The following CXADR variants were observed in gnomAD, a reference collection of about 807,000 sequenced individuals.
The protein encoded by CXADR is CXADR cell adhesion molecule, also known as coxsackievirus and adenovirus receptor.
A neutral mutation model predicts 40.3 loss-of-function variants in CXADR; 20 were observed. The observed-to-expected ratio is 0.50, with a 90% CI of 0.35 to 0.72. The LOEUF (loss-of-function observed/expected upper bound fraction) is 0.72, where lower values mean the gene tolerates loss of function less well. Among genes scored for constraint, CXADR ranks in the 30% least tolerant of loss-of-function variants. The pLI is 0.01. For synonymous variants in CXADR, 150 were observed against 161.3 expected, an observed-to-expected ratio of 0.93 and a Z score of 0.53; for missense variants, 332 against 449.1, an observed-to-expected ratio of 0.74 and a Z score of 2.36.
intron 3 of CXADR, among the ~76,000 whole-genome samples, chr21:17,554,210 T>A (rs1260456896): frequency 6.6e-6 from 1 of 152,146 alleles, no homozygotes; most frequent in East Asian, 1.9e-4. Flanking sequence ...TGGGACCAGG[T>A]TCAGGGTCAC....
chr21:17,577,957 A>G (rs1186430827), intron 7 of CXADR, among the ~76,000 whole-genome samples: 1 of 151,974 alleles, frequency 6.6e-6, no homozygotes, highest in Non-Finnish European at 1.5e-5. Flanking sequence ...TTCATGTTGG[A>G]TATAGCAGGA....
Position 17,559,100 on chromosome 21 carries a change from C to G in CXADR, c.540C>G (p.Asp180Glu). The change falls in exon 4 of 7, where the codon GAC becomes GAG. Residue 180 changes from aspartate (D) to glutamate (E), a missense_variant. Physicochemically the swap from Asp to Glu is conservative, Grantham distance 45. Transcript: ENST00000284878. ...PLQYEWQKLS[D>E]SQKMPTSWLA... is the part of the protein sequence containing the mutation. ...AGTATGAGTGGCAAAAATTGTCTGA[C>G]TCACAGAAAATGCCCACTTCATGGT... 1 of 1,614,030 alleles carries G rather than the reference C, an allele frequency of 6.2e-7. No homozygotes were observed. The highest frequency in any genetic ancestry group is 2.2e-5 in the East Asian group (1 of 44,882).
At chr21:17,627,531 G>A in the CXADR span, among the ~76,000 whole-genome samples, 4 of 152,142 alleles carry the variant, frequency 2.6e-5, no homozygotes, top group Non-Finnish European at 5.9e-5. Context: ...TCACCATCCT[G>A]TAATCCCAAC....
chr21:17,625,292 T>A, the CXADR span, among the ~76,000 whole-genome samples: 1 of 152,110 alleles, frequency 6.6e-6, no homozygotes, highest in Non-Finnish European at 1.5e-5. Flanking sequence ...GAGGTCATTA[T>A]AGCAACTTCT....
At chr21:17,534,215 C>T (rs112165587) in intron 1 of CXADR, among the ~76,000 whole-genome samples, 3,706 of 141,842 alleles carry the variant, frequency 0.026, 164 homozygotes, top group African/African-American at 0.094. Context: ...TCAAGCGATT[C>T]TTCTGCCTCT....
chr21:17,547,261 G>A lies in CXADR; in HGVS notation c.210+68G>A, dbSNP rs1361739948. On this transcript the variant is annotated intron_variant, in intron 2 of 6. Transcript: ENST00000284878. ...AACTATCTGATGTGTCCATCACCTT[G>A]CCAGTCACATGGATGGGCTGCAGGG... 1.0e-5 allele frequency: 16 copies of A among 1,594,262 alleles called. No homozygotes were observed. The Admixed American group carries it at 2.5e-4, about 25-fold the overall frequency.
chr21:17,564,768 T>C (rs990864467), intron 6 of CXADR, among the ~76,000 whole-genome samples: 1 of 152,186 alleles, frequency 6.6e-6, no homozygotes, highest in African/African-American at 2.4e-5. Flanking sequence ...AGAGTCTCAC[T>C]CTGGCGCCCA....
At chr21:17,564,508 A>T (rs542757696) in intron 6 of CXADR, among the ~76,000 whole-genome samples, 148 of 152,142 alleles carry the variant, frequency 9.7e-4, no homozygotes, top group African/African-American at 3.5e-3. Context: ...TAGGTATTTT[A>T]AAAATATTAA....
chr21:17,614,588 C>T, the CXADR span, among the ~76,000 whole-genome samples: 9 of 152,008 alleles, frequency 5.9e-5, no homozygotes, highest in Non-Finnish European at 7.4e-5. Flanking sequence ...ACAAAAAATA[C>T]ACAAATTAGC....
chr21:17,572,842 C>G (rs1365049614), downstream of CXADR, among the ~76,000 whole-genome samples: 1 of 151,986 alleles, frequency 6.6e-6, no homozygotes, highest in Non-Finnish European at 1.5e-5. Context: ...AGGTGATCTG[C>G]GAAAATACCG....
At chr21:17,524,707 C>T (rs1242105830) in intron 1 of CXADR, among the ~76,000 whole-genome samples, 1 of 149,418 alleles carries the variant, frequency 6.7e-6, no homozygotes, top group Non-Finnish European at 1.5e-5. Context: ...TGCAACATAA[C>T]AAGACCTCAT....
intron 7 of CXADR, among the ~76,000 whole-genome samples, chr21:17,589,556 A>T (rs940860976): frequency 6.6e-6 from 1 of 150,632 alleles, no homozygotes; most frequent in Non-Finnish European, 1.5e-5. Flanking sequence ...GCCCCCAGAC[A>T]ATACTAGCAC....
the CXADR span, among the ~76,000 whole-genome samples, chr21:17,600,313 T>C: frequency 5.9e-5 from 9 of 152,174 alleles, no homozygotes; most frequent in Non-Finnish European, 1.2e-4. Context: ...AAGCGGTTCT[T>C]ACAAAACACA....
the CXADR span, among the ~76,000 whole-genome samples, chr21:17,603,632 G>A: frequency 9.2e-5 from 14 of 152,310 alleles, 1 homozygote; most frequent in African/African-American, 3.4e-4. Flanking sequence ...GTGGTCAGGT[G>A]AATTGTACCT....
chr21:17,555,763 C>A (rs1441103052), intron 3 of CXADR, among the ~76,000 whole-genome samples: 2 of 152,142 alleles, frequency 1.3e-5, no homozygotes, highest in African/African-American at 4.8e-5. Flanking sequence ...TAAAAAATGT[C>A]TTGGGGGAGC....
chr21:17,579,926 T>TA (rs1448247238), intron 7 of CXADR, among the ~76,000 whole-genome samples: 1 of 152,114 alleles, frequency 6.6e-6, no homozygotes, highest in Non-Finnish European at 1.5e-5. Context: ...CTATTGCATA[T>TA]AGAGGACTTG....
chr21:17,616,436 C>T, the CXADR span, among the ~76,000 whole-genome samples: 5 of 148,460 alleles, frequency 3.4e-5, no homozygotes, highest in Admixed American at 6.7e-5. Context: ...GCCAGGTTCA[C>T]GCCATTCTCC....
the CXADR span, among the ~76,000 whole-genome samples, chr21:17,617,473 A>G: frequency 6.6e-6 from 1 of 152,230 alleles, no homozygotes; most frequent in Non-Finnish European, 1.5e-5. Flanking sequence ...TAAGAATATA[A>G]TAAGAATATA....
At chr21:17,520,717 G>A (rs2060520242) in intron 1 of CXADR, among the ~76,000 whole-genome samples, 1 of 152,226 alleles carries the variant, frequency 6.6e-6, no homozygotes, top group African/African-American at 2.4e-5. Context: ...CGCAGCAGAA[G>A]AGAGTTGGGC....
Sources: allele counts gnomAD v4.1 joint callset (sites outside exome capture counted in the v4.1 genomes callset), GRCh38; gene constraint gnomAD v4.1.1; transcripts MANE v1.5; gene names NCBI Gene and HGNC (gene_info 2026-07-23, HGNC 2026-07-21).